The following PCDHGA9 variants were observed in gnomAD, a reference collection of about 807,000 sequenced individuals.
PCDHGA9 encodes the protein protocadherin gamma-A9.
A neutral mutation model predicts 62.5 loss-of-function variants in PCDHGA9; 37 were observed. The observed-to-expected ratio is 0.59, with a 90% CI of 0.46 to 0.78. The LOEUF is 0.78. Ranked by LOEUF, PCDHGA9 falls within the 30% of genes least tolerant of loss-of-function variation. PCDHGA9 has a pLI of 0.00. For synonymous variants in PCDHGA9, 459 were observed against 484.6 expected (o/e 0.95, Z 0.69); for missense variants, 1,138 against 1,166.2 (o/e 0.98, Z 0.35).
intron 2 of PCDHGA9, among the ~76,000 whole-genome samples, chr5:141,499,384 A>G (rs2099791576): frequency 6.6e-6 from 1 of 152,200 alleles, no homozygotes. Context: ...TTTTCCACTT[A>G]TAAAATAGTA....
At position 141,477,706 on chromosome 5, in the gene PCDHGA9, G is replaced by A. The variant is rs1490514142; in HGVS notation, c.2425-17101G>A. 6 of 1,613,988 alleles carry A rather than the reference G, an allele frequency of 3.7e-6. No homozygotes were observed. Among genetic ancestry groups the A allele is most frequent in the Non-Finnish European group, 5.1e-6 (6 of 1,180,044 alleles). ...TAGTGCCCCTAGACTATGAGGATCGGCGGGAATTTGAATTAACAGCTCATA... is the reference window on the plus strand; with the variant it reads ...TAGTGCCCCTAGACTATGAGGATCGACGGGAATTTGAATTAACAGCTCATA... On this transcript the variant is annotated intron_variant, in intron 1 of 3. Transcript: ENST00000573521. This position sits in a 1 kb window ranked among gnomAD's most constrained non-coding sequence, Gnocchi z 4.9.
chr5:141,448,896 G>C (rs560617459), intron 1 of PCDHGA9, among the ~76,000 whole-genome samples: 5 of 152,302 alleles, frequency 3.3e-5, no homozygotes, highest in African/African-American at 1.2e-4. Context: ...AGTGAGCCGA[G>C]ATCGTGCCAC....
At chr5:141,436,104 G>A (rs368559994) in intron 1 of PCDHGA9, among the ~76,000 whole-genome samples, 10 of 152,086 alleles carry the variant, frequency 6.6e-5, no homozygotes, top group East Asian at 3.9e-4. Flanking sequence ...AGAAATAGAG[G>A]ACAATGAAAC....
chr5:141,414,710 A>C (rs1253697066), intron 1 of PCDHGA9: 4 of 1,613,836 alleles, frequency 2.5e-6, no homozygotes, highest in African/African-American at 1.3e-5. Flanking sequence ...ATATCCATCA[A>C]CTCAGACACT....
At position 141,403,188 on chromosome 5, in the gene PCDHGA9, C is replaced by T. The variant is rs763950254; in HGVS notation, c.236C>T (p.Pro79Leu). ...AGGACGCAGCTTTTCTCTCTGAACCCGCGCAGCGGCACCTTGGTCACCGCG... is the reference window on the plus strand; with the variant it reads ...AGGACGCAGCTTTTCTCTCTGAACCTGCGCAGCGGCACCTTGGTCACCGCG... Reference protein sequence around the residue: ...RGRTQLFSLNPRSGTLVTAGR... With the variant: ...RGRTQLFSLNLRSGTLVTAGR... The change falls in exon 1 of 4, where the codon CCG (proline) becomes CTG (leucine). Residue 79 changes from proline (P) to leucine (L), a missense_variant. Physicochemically the swap from Pro to Leu is moderately conservative, Grantham distance 98. Coordinates refer to ENST00000573521, the MANE Select transcript of PCDHGA9 (RefSeq NM_018921.3). 5 of 1,613,850 alleles carry T rather than the reference C, an allele frequency of 3.1e-6. No individual in the cohort carries two copies. The African/African-American group carries it at 4.0e-5, about 13-fold the overall frequency.
In PCDHGA9 at chr5:141,487,774, C is replaced by T. The variant is rs1272776899; in HGVS notation, c.2425-7033C>T. 2.0e-6 allele frequency: 3 copies of T among 1,534,064 alleles called. 1 individual carries two copies. The highest frequency in any genetic ancestry group is 2.6e-6 in the Non-Finnish European group (3 of 1,135,588). On this transcript the variant is annotated intron_variant, in intron 1 of 3. Transcript: ENST00000573521. The surrounding 1 kb of genome is among the most constrained non-coding windows in gnomAD (Gnocchi z 5.0). Reference sequence around the variant, plus strand: ...ATGTGGTAGACGCTGTGCTTTGTAACTGTTTCGTGAATTAACCAGAGTTGT... The same window carrying T: ...ATGTGGTAGACGCTGTGCTTTGTAATTGTTTCGTGAATTAACCAGAGTTGT...
chr5:141,422,194 C>A, intron 1 of PCDHGA9: 1 of 1,562,366 alleles, frequency 6.4e-7, no homozygotes, highest in South Asian at 1.2e-5. Flanking sequence ...AATTCAAGGC[C>A]AAGATGGTGG....
At chr5:141,492,132 C>A (rs1289132641) in intron 1 of PCDHGA9, among the ~76,000 whole-genome samples, 3 of 152,220 alleles carry the variant, frequency 2.0e-5, no homozygotes, top group African/African-American at 4.8e-5. Context: ...CAGCTCCCAG[C>A]ATCTGTGACT....
Position 141,489,880 on chromosome 5 carries a change from G to A in PCDHGA9, c.2425-4927G>A. On this transcript the variant is annotated intron_variant, in intron 1 of 3. Transcript: ENST00000573521. The surrounding 1 kb of genome is among the most constrained non-coding windows in gnomAD (Gnocchi z 4.5). Reference sequence around the variant, plus strand: ...GGCAAGACATCAGCTGGTGCTTACTGCTGTGGATGGGGGGACCCCAGCCCG... The same window carrying A: ...GGCAAGACATCAGCTGGTGCTTACTACTGTGGATGGGGGGACCCCAGCCCG... 2 of 1,614,230 alleles carry A rather than the reference G, an allele frequency of 1.2e-6. No individual in the cohort carries two copies. The highest frequency in any genetic ancestry group is 1.7e-6 in the Non-Finnish European group (2 of 1,180,026).
At position 141,487,670 on chromosome 5, in the gene PCDHGA9, T is replaced by C. The variant is rs2099658277; in HGVS notation, c.2425-7137T>C. 2 of 1,612,302 alleles carry C rather than the reference T, an allele frequency of 1.2e-6. No homozygotes were observed. Among genetic ancestry groups the C allele is most frequent in the Non-Finnish European group, 1.7e-6 (2 of 1,179,082 alleles). On this transcript the variant is annotated intron_variant, in intron 1 of 3. Transcript: ENST00000573521. The surrounding 1 kb of genome is among the most constrained non-coding windows in gnomAD (Gnocchi z 5.0). The stretch of plus-strand genomic sequence containing the variant: ...TGAGGGTTATTCTGATCCAGGCATA[T>C]GGCTAGGCCATGTCCTAGAGAGTAC...
intron 1 of PCDHGA9, among the ~76,000 whole-genome samples, chr5:141,447,303 C>G (rs1328783075): frequency 6.6e-6 from 1 of 151,990 alleles, no homozygotes; most frequent in Non-Finnish European, 1.5e-5. Context: ...CCACACCCGG[C>G]TAATTTTTGT....
intron 1 of PCDHGA9, chr5:141,409,281 C>A (rs1238898498): frequency 6.2e-7 from 1 of 1,613,874 alleles, no homozygotes; most frequent in Non-Finnish European, 8.5e-7. Flanking sequence ...TTGGAGAATT[C>A]ACCTCCAGGA....
In PCDHGA9 at chr5:141,432,856, G is replaced by C; in HGVS notation, c.2424+27480G>C. 1 of 1,614,142 alleles carries C rather than the reference G, an allele frequency of 6.2e-7. No homozygotes were observed. The highest frequency in any genetic ancestry group is 1.7e-5 in the Admixed American group (1 of 60,030). On this transcript the variant is annotated intron_variant, in intron 1 of 3. Coordinates refer to ENST00000573521, the MANE Select transcript of PCDHGA9 (RefSeq NM_018921.3). This position sits in a 1 kb window ranked among gnomAD's most constrained non-coding sequence, Gnocchi z 6.0. Reference sequence around the variant, plus strand: ...TGTACCTGGTGGTAGCGGTGGCCGCGGTCTCCTGCGTCTTCCTGGCCTTCG... The same window carrying C: ...TGTACCTGGTGGTAGCGGTGGCCGCCGTCTCCTGCGTCTTCCTGGCCTTCG...
chr5:141,427,960 G>T (rs759698390), intron 1 of PCDHGA9: 2 of 1,589,168 alleles, frequency 1.3e-6, no homozygotes, highest in Non-Finnish European at 1.7e-6. Context: ...AATGTGCCGC[G>T]GGTGCTGTAC....
intron 1 of PCDHGA9, among the ~76,000 whole-genome samples, chr5:141,466,514 T>C (rs1276000407): frequency 6.6e-6 from 1 of 152,226 alleles, no homozygotes; most frequent in Non-Finnish European, 1.5e-5. Context: ...AAGATCATTT[T>C]TTTTCCTCCC....
chr5:141,450,826 A>ATTTT (rs764729742), intron 1 of PCDHGA9, among the ~76,000 whole-genome samples: 5 of 134,360 alleles, frequency 3.7e-5, no homozygotes, highest in East Asian at 2.1e-4. Flanking sequence ...TATTATTATT[A>ATTTT]TTATTTTTTT....
chr5:141,423,238 G>C (rs765040062), intron 1 of PCDHGA9: 4 of 1,613,778 alleles, frequency 2.5e-6, no homozygotes, highest in South Asian at 2.2e-5. Context: ...CAGCATCCCC[G>C]AAGTCCTGGC....
Position 141,505,499 on chromosome 5 carries a change from G to T in PCDHGA9, c.2572+18G>T, listed in dbSNP as rs753203943. 4.3e-6 allele frequency: 7 copies of T among 1,614,172 alleles called. No individual in the cohort carries two copies. The South Asian group carries it at 7.7e-5, about 18-fold the overall frequency. ...CGCCAGTGGTAAGTGGTGTCAGTGTGTGTATGGAAGAGTGGGAGACCTGGG... is the reference window on the plus strand; with the variant it reads ...CGCCAGTGGTAAGTGGTGTCAGTGTTTGTATGGAAGAGTGGGAGACCTGGG... On this transcript the variant is annotated intron_variant, in intron 3 of 3. Coordinates refer to ENST00000573521, the MANE Select transcript of PCDHGA9 (RefSeq NM_018921.3).
rs887814386 is a variant in PCDHGA9, at chr5:141,431,347, G to A, written c.2424+25971G>A. The A allele has an allele frequency of 1.9e-6, 3 of 1,614,098 alleles. No individual in the cohort carries two copies. The highest frequency in any genetic ancestry group is 2.5e-6 in the Non-Finnish European group (3 of 1,180,036). On this transcript the variant is annotated intron_variant, in intron 1 of 3. Coordinates refer to ENST00000573521, the MANE Select transcript of PCDHGA9 (RefSeq NM_018921.3). This position sits in a 1 kb window ranked among gnomAD's most constrained non-coding sequence, Gnocchi z 4.8. ...GTAGTAAGTACCCCGAATTGGTGCT[G>A]AAACGCGCCCTGGACCGCGAAGAAA...
Sources: gnomAD v4.1 joint callset for allele counts (sites outside exome capture counted in the v4.1 genomes callset) on GRCh38, gnomAD v4.1.1 for gene constraint, Gnocchi (gnomAD v3.1) non-coding constraint, MANE v1.5 for transcripts, NCBI Gene and HGNC (gene_info 2026-07-23, HGNC 2026-07-21) for gene names.